The following GPATCH2 variants were observed in gnomAD, a reference collection of about 807,000 sequenced individuals.
GPATCH2 encodes G patch domain-containing protein 2.
GPATCH2 carries 51 observed loss-of-function variants against 58.0 expected under a neutral mutation model. The observed-to-expected ratio is 0.88, with a 90% confidence interval of 0.70 to 1.11. GPATCH2 has a LOEUF of 1.11. Among genes scored for constraint, GPATCH2 ranks in the 50% most tolerant of loss-of-function variants. GPATCH2 has a pLI of 0.00. For missense variants in GPATCH2, 625 were observed against 652.2 expected, an observed-to-expected ratio of 0.96 and a Z score of 0.45; for synonymous variants, 222 against 218.5, an observed-to-expected ratio of 1.02 and a Z score of -0.14.
In GPATCH2 at chr1:217,569,601, G is replaced by A. The variant is rs142882268; in HGVS notation, c.1098+40720C>T. On this transcript the variant is annotated intron_variant, in intron 5 of 9. Coordinates refer to ENST00000366935, the MANE Select transcript of GPATCH2 (RefSeq NM_018040.5). The stretch of plus-strand genomic sequence containing the variant: ...TCCCAGCTACTCGGGAGGCTGAGGC[G>A]GGAGAACTGCTTGAACCTGGGAGAT... Among the ~76,000 whole-genome samples, 747 of 152,184 alleles carry A rather than the reference G, an allele frequency of 4.9e-3. 8 individuals carry two copies. Among genetic ancestry groups the A allele is most frequent in the African/African-American group, 0.017 (689 of 41,518 alleles).
chr1:217,466,043 G>C (rs1304095343), intron 8 of GPATCH2, among the ~76,000 whole-genome samples: 1 of 152,114 alleles, frequency 6.6e-6, no homozygotes, highest in East Asian at 1.9e-4. Flanking sequence ...CATGAGCCAT[G>C]GATTGCATAT....
intron 5 of GPATCH2, among the ~76,000 whole-genome samples, chr1:217,590,268 C>G (rs182236128): frequency 1.3e-5 from 2 of 152,064 alleles, no homozygotes; most frequent in East Asian, 3.9e-4. Flanking sequence ...GTGATCCACC[C>G]GCCTCAGCCT....
intron 8 of GPATCH2, among the ~76,000 whole-genome samples, chr1:217,464,861 T>C (rs970924080): frequency 2.0e-5 from 3 of 152,060 alleles, no homozygotes; most frequent in African/African-American, 7.2e-5. Context: ...GATACATAAA[T>C]AAGAACGATT....
At chr1:217,598,921 G>A (rs1667983167) in intron 5 of GPATCH2, among the ~76,000 whole-genome samples, 1 of 152,166 alleles carries the variant, frequency 6.6e-6, no homozygotes. Context: ...ATTAATGAGT[G>A]GCAGAGACAG....
At chr1:217,474,208 T>C (rs1660870572) in intron 8 of GPATCH2, among the ~76,000 whole-genome samples, 1 of 152,158 alleles carries the variant, frequency 6.6e-6, no homozygotes, top group Non-Finnish European at 1.5e-5. Context: ...CCTGCCCTTT[T>C]AGGAAAAGAG....
intron 5 of GPATCH2, among the ~76,000 whole-genome samples, chr1:217,601,152 A>T (rs1668089176): frequency 6.6e-6 from 1 of 152,180 alleles, no homozygotes; most frequent in Non-Finnish European, 1.5e-5. Context: ...GTAAACTGGT[A>T]ACCTCTGTAG....
chr1:217,537,286 T>C (rs1181986930), intron 5 of GPATCH2, among the ~76,000 whole-genome samples: 1 of 152,156 alleles, frequency 6.6e-6, no homozygotes, highest in Non-Finnish European at 1.5e-5. Context: ...AGGTAGCAAA[T>C]CCCTTGACAA....
At chr1:217,529,346 T>A (rs1427266383) in intron 5 of GPATCH2, among the ~76,000 whole-genome samples, 1 of 152,154 alleles carries the variant, frequency 6.6e-6, no homozygotes, top group East Asian at 1.9e-4. Context: ...TGGAGGCATT[T>A]GGGTCATGGG....
At chr1:217,471,590 C>T (rs1660723852) in intron 8 of GPATCH2, among the ~76,000 whole-genome samples, 1 of 152,154 alleles carries the variant, frequency 6.6e-6, no homozygotes. Flanking sequence ...TGATCTGTAT[C>T]ATATAAAAAC....
At chr1:217,509,534 T>C (rs1367805655) in intron 6 of GPATCH2, among the ~76,000 whole-genome samples, 1 of 152,222 alleles carries the variant, frequency 6.6e-6, no homozygotes, top group East Asian at 1.9e-4. Context: ...GAACTGAGCC[T>C]TTCTGAACCT....
intron 5 of GPATCH2, among the ~76,000 whole-genome samples, chr1:217,540,287 C>T (rs1035355959): frequency 6.6e-6 from 1 of 152,108 alleles, no homozygotes; most frequent in Non-Finnish European, 1.5e-5. Context: ...CACAGACTTG[C>T]AGCTAAGTGC....
intron 5 of GPATCH2, among the ~76,000 whole-genome samples, chr1:217,599,975 C>CA (rs891816412): frequency 6.6e-6 from 1 of 151,820 alleles, no homozygotes; most frequent in African/African-American, 2.4e-5. Flanking sequence ...TAAAACACCT[C>CA]AAAAAAACCA....
intron 8 of GPATCH2, among the ~76,000 whole-genome samples, chr1:217,468,824 T>C (rs889306851): frequency 4.6e-5 from 7 of 152,102 alleles, no homozygotes; most frequent in Admixed American, 2.0e-4. Context: ...GAAACAGGGT[T>C]TGCCACACGT....
intron 1 of GPATCH2, among the ~76,000 whole-genome samples, chr1:217,627,570 G>T (rs149311877): frequency 5.1e-4 from 78 of 152,182 alleles, no homozygotes; most frequent in Middle Eastern, 3.4e-3. Context: ...AAACTGGAAA[G>T]GAAGCAAAAG....
intron 5 of GPATCH2, among the ~76,000 whole-genome samples, chr1:217,523,845 C>T (rs574255286): frequency 2.9e-4 from 43 of 146,778 alleles, no homozygotes; most frequent in Non-Finnish European, 4.7e-4. Flanking sequence ...GCTGGCCGGG[C>T]GGGGGGCTGA....
rs547429330 is a variant in GPATCH2, at chr1:217,618,730, T to C, written c.773+1053A>G. On this transcript the variant is annotated intron_variant, in intron 2 of 9. Coordinates refer to ENST00000366935, the MANE Select transcript of GPATCH2 (RefSeq NM_018040.5). ...GATCCCAGCCCTTGGGAGGCCAAGGTGGGTGGATCACTTGAGGTCAGGGGT... is the reference window on the plus strand; with the variant it reads ...GATCCCAGCCCTTGGGAGGCCAAGGCGGGTGGATCACTTGAGGTCAGGGGT... Among the ~76,000 whole-genome samples the C allele has an allele frequency of 3.1e-4, 47 of 151,974 alleles. 1 individual carries two copies. The highest frequency in any genetic ancestry group is 9.9e-4 in the African/African-American group (41 of 41,490).
chr1:217,463,741 G>T (rs1007608268), intron 8 of GPATCH2, among the ~76,000 whole-genome samples: 15 of 149,730 alleles, frequency 1.0e-4, no homozygotes, highest in Admixed American at 8.0e-4. Flanking sequence ...GATAGCTTGA[G>T]CCCAGGAGTT....
At chr1:217,497,482 GT>G (rs1662069793) in intron 7 of GPATCH2, among the ~76,000 whole-genome samples, 1 of 152,104 alleles carries the variant, frequency 6.6e-6, no homozygotes, top group Admixed American at 6.6e-5. Context: ...TCAAAATGAA[GT>G]GTGTAGCACC....
chr1:217,583,053 C>T (rs961778546), intron 5 of GPATCH2, among the ~76,000 whole-genome samples: 2 of 152,126 alleles, frequency 1.3e-5, no homozygotes, highest in Admixed American at 6.5e-5. Context: ...ACTACTAGCA[C>T]TTCATAAATA....
Sources: allele counts gnomAD v4.1 joint callset (sites outside exome capture counted in the v4.1 genomes callset), GRCh38; gene constraint gnomAD v4.1.1; transcripts MANE v1.5; gene names NCBI Gene and HGNC (gene_info 2026-07-23, HGNC 2026-07-21).